Variants in TRPC5 observed in about 807,000 individuals in gnomAD.
The protein encoded by TRPC5 is transient receptor potential cation channel subfamily C member 5, also known as short transient receptor potential channel 5.
A neutral mutation model predicts 56.5 loss-of-function variants in TRPC5; 9 were observed. That is an observed-to-expected ratio of 0.16 (90% CI 0.10 to 0.28). TRPC5 has a LOEUF of 0.28. Among genes scored for constraint, TRPC5 ranks in the 10% least tolerant of loss-of-function variants. The pLI is 1.00. For missense variants in TRPC5, 469 were observed against 748.9 expected (o/e 0.63, Z 4.36); for synonymous variants, 282 against 278.5 (o/e 1.01, Z -0.13).
chrX:111,868,712 C>G (rs1923623347), intron 3 of TRPC5, among the ~76,000 whole-genome samples: 1 of 111,437 alleles, frequency 9.0e-6, no homozygotes, highest in Admixed American at 9.6e-5. Flanking sequence ...ATGAGTCGTC[C>G]CCTATACCAG....
At chrX:112,002,166 C>T (rs187078189) in intron 1 of TRPC5, among the ~76,000 whole-genome samples, 7 of 112,360 alleles carry the variant, frequency 6.2e-5, no homozygotes, top group African/African-American at 2.3e-4. Context: ...GATCACACTG[C>T]TCCTCTGCTC....
Position 111,853,770 on chromosome X carries a change from C to G in TRPC5, c.1237G>C (p.Gly413Arg). ...ATAGGTCCTGGTCCCTTTGACTTAC[C>G]TAGAACCCAAGGCAATATCATCCAT... ...VEWMILPWVL[G>R]FIWGEIKEMW... The change falls in exon 4 of 11, where the codon GGT (glycine) becomes CGT (arginine). Residue 413 changes from glycine (G) to arginine (R), a missense_variant and splice_region_variant. Transcript: ENST00000262839. 1 of 1,210,361 alleles carries G rather than the reference C, an allele frequency of 8.3e-7. No homozygotes were observed. The highest frequency in any genetic ancestry group is 2.2e-5 in the Admixed American group (1 of 46,005).
chrX:111,984,166 C>T (rs185665762), intron 1 of TRPC5, among the ~76,000 whole-genome samples: 7 of 111,369 alleles, frequency 6.3e-5, no homozygotes, highest in African/African-American at 2.3e-4. Context: ...TAGTTAACCA[C>T]AGAGGATGGC....
chrX:111,945,983 A>G (rs1399094928), intron 2 of TRPC5, among the ~76,000 whole-genome samples: 2 of 112,537 alleles, frequency 1.8e-5, no homozygotes, highest in East Asian at 5.6e-4. Flanking sequence ...CTCCCAAGTA[A>G]ACAAATTTTG....
chrX:111,924,600 G>A (rs1926209746), intron 2 of TRPC5, among the ~76,000 whole-genome samples: 1 of 109,980 alleles, frequency 9.1e-6, no homozygotes, highest in Admixed American at 9.5e-5. Context: ...GTCAAATGCT[G>A]TTTGTTTGGT....
intron 1 of TRPC5, among the ~76,000 whole-genome samples, chrX:111,966,207 G>A (rs1332312694): frequency 3.7e-4 from 41 of 111,675 alleles, no homozygotes; most frequent in African/African-American, 1.3e-3. Flanking sequence ...ACACCTCTAC[G>A]CAACTAAACT....
rs773527939 is a variant in TRPC5, at chrX:111,773,322, T to C, written c.*2991A>G. On this transcript the variant is annotated 3_prime_UTR_variant, in exon 11 of 11. Coordinates refer to ENST00000262839, the MANE Select transcript of TRPC5 (RefSeq NM_012471.3). ...TTTCTAATATAATTCAAATATTTTC[T>C]TTGTAATTTTTACCTTTATTATTAG... 8.9e-6 allele frequency among the ~76,000 whole-genome samples: 1 copy of C among 112,472 alleles called. No homozygotes were observed. The highest frequency in any genetic ancestry group is 3.2e-5 in the African/African-American group (1 of 31,013).
chrX:111,882,704 G>T (rs1041340179), intron 3 of TRPC5, among the ~76,000 whole-genome samples: 44 of 112,645 alleles, frequency 3.9e-4, no homozygotes, highest in African/African-American at 1.4e-3. Context: ...TCTCACCAGG[G>T]GCTAAGCCCA....
Position 111,847,103 on chromosome X carries a change from G to T in TRPC5, c.1700+11C>A, listed in dbSNP as rs775104195. The T allele has an allele frequency of 1.0e-5, 12 of 1,180,930 alleles. No homozygotes were observed. In the Admixed American group the frequency reaches 1.5e-4, roughly 15 times the overall value. ...AAAAATAAATAAATAAAGGAAAGGG[G>T]ATCGTCTTACGTGGAGAAGGCATTG... is the stretch of plus-strand genomic sequence containing the variant. On this transcript the variant is annotated intron_variant, in intron 6 of 10. Coordinates refer to ENST00000262839, the MANE Select transcript of TRPC5 (RefSeq NM_012471.3).
chrX:111,919,827 C>A (rs1467697550), intron 2 of TRPC5, among the ~76,000 whole-genome samples: 5 of 112,279 alleles, frequency 4.5e-5, no homozygotes, highest in Admixed American at 3.8e-4. Flanking sequence ...AAAAAAATCT[C>A]ATAATGTTTT....
intron 1 of TRPC5, among the ~76,000 whole-genome samples, chrX:112,063,860 C>T (rs1031812930): frequency 3.6e-5 from 4 of 111,903 alleles, no homozygotes; most frequent in Admixed American, 9.5e-5. Flanking sequence ...GGCGCGATCT[C>T]GGCTCACTGC....
At chrX:112,014,743 G>C (rs952962771) in intron 1 of TRPC5, among the ~76,000 whole-genome samples, 1 of 111,925 alleles carries the variant, frequency 8.9e-6, no homozygotes, top group Non-Finnish European at 1.9e-5. Context: ...ATCCAAAACA[G>C]GGCATGGACC....
chrX:111,866,214 C>T (rs978376177), intron 3 of TRPC5, among the ~76,000 whole-genome samples: 1 of 113,608 alleles, frequency 8.8e-6, no homozygotes, highest in Non-Finnish European at 1.9e-5. Flanking sequence ...ATTGAAATGC[C>T]CACATAATTT....
At position 112,051,933 on chromosome X, in the gene TRPC5, A is replaced by C. The variant is rs932934307; in HGVS notation, c.-22+29946T>G. 1.8e-4 allele frequency among the ~76,000 whole-genome samples: 20 copies of C among 112,090 alleles called. No individual in the cohort carries two copies. In the East Asian group the frequency reaches 3.4e-3, roughly 19 times the overall value. On this transcript the variant is annotated intron_variant, in intron 1 of 10. Coordinates refer to ENST00000262839, the MANE Select transcript of TRPC5 (RefSeq NM_012471.3). ...GAATGTGTCATCAAGGTTCATCCTCATTGCAGTGTGTGTCAGAATTTCCTT... is the reference window on the plus strand; with the variant it reads ...GAATGTGTCATCAAGGTTCATCCTCCTTGCAGTGTGTGTCAGAATTTCCTT...
chrX:111,777,216 G>A (rs1275334740), intron 10 of TRPC5, among the ~76,000 whole-genome samples: 1 of 111,609 alleles, frequency 9.0e-6, no homozygotes, highest in Non-Finnish European at 1.9e-5. Context: ...AATGGGTAAA[G>A]TTGATTCAGG....
At chrX:111,939,856 G>A (rs956394743) in intron 2 of TRPC5, among the ~76,000 whole-genome samples, 2 of 110,371 alleles carry the variant, frequency 1.8e-5, no homozygotes, top group African/African-American at 6.6e-5. Flanking sequence ...TCATTTCATT[G>A]ACCTTTTCTA....
intron 1 of TRPC5, among the ~76,000 whole-genome samples, chrX:112,044,160 T>G (rs918507274): frequency 8.9e-6 from 1 of 111,787 alleles, no homozygotes; most frequent in African/African-American, 3.2e-5. Flanking sequence ...TTTAAATTTG[T>G]TCATTCAAAT....
chrX:111,946,853 A>G (rs772800535), intron 2 of TRPC5, among the ~76,000 whole-genome samples: 9 of 112,346 alleles, frequency 8.0e-5, no homozygotes, highest in Non-Finnish European at 1.1e-4. Context: ...GTACAAAATG[A>G]TATGTGATTG....
At chrX:112,022,786 T>C (rs1283248499) in intron 1 of TRPC5, among the ~76,000 whole-genome samples, 1 of 111,911 alleles carries the variant, frequency 8.9e-6, no homozygotes, top group Admixed American at 9.4e-5. Flanking sequence ...ATAAGTAACA[T>C]TTTACTGGGA....
Sources: gnomAD v4.1 joint callset for allele counts (sites outside exome capture counted in the v4.1 genomes callset) on GRCh38, gnomAD v4.1.1 for gene constraint, MANE v1.5 for transcripts, NCBI Gene and HGNC (gene_info 2026-07-23, HGNC 2026-07-21) for gene names.